AOPEP: variants seen among roughly 807,000 people sequenced by gnomAD.
The protein encoded by AOPEP is aminopeptidase O.
Under a neutral mutation model 98.1 loss-of-function variants are expected in AOPEP, and 77 were observed. The observed-to-expected ratio is 0.78, with a 90% CI of 0.65 to 0.95. The LOEUF (loss-of-function observed/expected upper bound fraction) is 0.95. Among genes scored for constraint, AOPEP ranks in the 40% least tolerant of loss-of-function variants. The pLI is 0.00. For missense variants in AOPEP, 1,024 were observed against 1,024.7 expected (o/e 1.00, Z 0.01); for synonymous variants, 346 against 365.3 (o/e 0.95, Z 0.60).
chr9:95,090,049 G>A (rs142897065), downstream of AOPEP, among the ~76,000 whole-genome samples: 239 of 152,308 alleles, frequency 1.6e-3, no homozygotes, highest in African/African-American at 5.4e-3. Flanking sequence ...ATGGGATGGG[G>A]GAGCCCCATG....
chr9:95,125,304 T>C, the AOPEP span: 3 of 761,396 alleles, frequency 3.9e-6, no homozygotes, highest in South Asian at 1.5e-5. Context: ...TTCAGCAGTA[T>C]CTCAACTCAT....
At chr9:95,037,028 GT>G (rs1485811754) in intron 13 of AOPEP, among the ~76,000 whole-genome samples, 2 of 152,186 alleles carry the variant, frequency 1.3e-5, no homozygotes, top group Non-Finnish European at 2.9e-5. Flanking sequence ...CAGAACCTAA[GT>G]TGCTAGTTAG....
chr9:94,818,844 A>C (rs1189544243), intron 5 of AOPEP, among the ~76,000 whole-genome samples: 4 of 152,148 alleles, frequency 2.6e-5, no homozygotes, highest in Admixed American at 2.6e-4. Context: ...AATACAAAAA[A>C]TTAGCCGGGC....
the AOPEP span, among the ~76,000 whole-genome samples, chr9:95,123,160 G>A: frequency 6.6e-6 from 1 of 151,994 alleles, no homozygotes; most frequent in African/African-American, 2.4e-5. Context: ...AAAATTAGCT[G>A]GGCGTGGTGG....
the AOPEP span, among the ~76,000 whole-genome samples, chr9:95,120,416 C>CT: frequency 0.015 from 2,065 of 138,596 alleles, 31 homozygotes; most frequent in African/African-American, 0.044. Flanking sequence ...CTTTTAAAAT[C>CT]TTTTTTTTTT....
intron 1 of AOPEP, among the ~76,000 whole-genome samples, chr9:94,733,272 A>T (rs1830989544): frequency 6.6e-6 from 1 of 151,690 alleles, no homozygotes. Flanking sequence ...ATGCTCAGCT[A>T]ATTTTTTGTA....
intron 5 of AOPEP, among the ~76,000 whole-genome samples, chr9:94,875,938 A>C (rs1352373066): frequency 6.6e-6 from 1 of 152,224 alleles, no homozygotes; most frequent in Non-Finnish European, 1.5e-5. Context: ...GCTGCATACA[A>C]AACATTTAAG....
chr9:95,091,076 G>A (rs1007347956), downstream of AOPEP, among the ~76,000 whole-genome samples: 1 of 152,232 alleles, frequency 6.6e-6, no homozygotes, highest in African/African-American at 2.4e-5. Context: ...CTGTGCCGCA[G>A]TGACCTCACC....
At chr9:94,726,879 A>G (rs557597895) in intron 1 of AOPEP, 128 bp downstream of exon 1, 1 of 152,614 alleles carries the variant, frequency 6.6e-6, no homozygotes, top group Non-Finnish European at 1.5e-5. Context: ...TTGCTCGACC[A>G]GCGAGGACCC....
chr9:94,901,768 C>T (rs919676113), intron 5 of AOPEP, among the ~76,000 whole-genome samples: 1 of 151,950 alleles, frequency 6.6e-6, no homozygotes, highest in Non-Finnish European at 1.5e-5. Flanking sequence ...AGCAAAACCC[C>T]GTCCTTACTA....
chr9:94,794,799 G>T (rs546750270), intron 4 of AOPEP, among the ~76,000 whole-genome samples: 33,301 of 152,096 alleles, frequency 0.22, 5,138 homozygotes, highest in African/African-American at 0.43. Flanking sequence ...ACAAAACAGA[G>T]CCTACAAAAC....
chr9:95,086,089 T>C (rs1419562192), intron 16 of AOPEP: 1 of 1,367,130 alleles, frequency 7.3e-7, no homozygotes, highest in Non-Finnish European at 9.8e-7. Context: ...GGAACAGGAG[T>C]CGAGCCCTTG....
At chr9:95,100,980 G>GAACT in the AOPEP span, 4 of 233,192 alleles carry the variant, frequency 1.7e-5, no homozygotes, top group African/African-American at 8.8e-5. Flanking sequence ...TTTAACAAGA[G>GAACT]AACTAACTAA....
At chr9:95,005,668 G>A in intron 13 of AOPEP, 52 bp downstream of exon 13, 3 of 1,418,282 alleles carry the variant, frequency 2.1e-6, no homozygotes, top group Non-Finnish European at 3.0e-6. Context: ...ATCCGCTTCT[G>A]CCCCGTGAGG....
At chr9:94,760,787 A>G (rs1340029494) in intron 2 of AOPEP, 2 of 420,072 alleles carry the variant, frequency 4.8e-6, no homozygotes, top group Non-Finnish European at 8.4e-6. Context: ...TTAAGTCAGG[A>G]TGAAAAGATT....
Position 94,928,207 on chromosome 9 carries a change from G to A in AOPEP, c.1555-218G>A, listed in dbSNP as rs539971330. On this transcript the variant is annotated intron_variant, in intron 6 of 16. Transcript: ENST00000375315. Reference sequence around the variant, plus strand: ...CAAGGCGACCTCCGCCAAACAGCAGGCCCAGCTCCACGGCCAGCAGCACAA... The same window carrying A: ...CAAGGCGACCTCCGCCAAACAGCAGACCCAGCTCCACGGCCAGCAGCACAA... Among the ~76,000 whole-genome samples the A allele has an allele frequency of 2.2e-4, 33 of 152,156 alleles. No individual in the cohort carries two copies. In the East Asian group the frequency reaches 6.2e-3, roughly 28 times the overall value.
chr9:94,839,055 C>G lies in AOPEP; in HGVS notation c.1364+38053C>G, dbSNP rs1209853074. On this transcript the variant is annotated intron_variant, in intron 5 of 16. Transcript: ENST00000375315. ...CCTCCCGAGTAGGTGGGACTACAGG[C>G]GTGCGCCACCACACCCACCTAATTT... 2.0e-5 allele frequency among the ~76,000 whole-genome samples: 3 copies of G among 148,916 alleles called. No homozygotes were observed. The Admixed American group carries it at 2.0e-4, about 10-fold the overall frequency.
In AOPEP at chr9:94,760,542, A is replaced by G. The variant is rs756695675; in HGVS notation, c.759A>G (p.Glu253=). 6.4e-7 allele frequency: 1 copy of G among 1,566,124 alleles called. No homozygotes were observed. The highest frequency in any genetic ancestry group is 8.6e-7 in the Non-Finnish European group (1 of 1,159,894). ...AIRIWYKTKP[E]GRSVTWTSDQ... is the part of the protein sequence containing the mutation. ...GGATATGGTACAAAACTAAACCTGA[A>G]GGGCGATCGGTTACATGGACCTCAG... Residue 253 remains glutamate, a synonymous_variant, in exon 2 of 17, where the codon GAA becomes GAG. Coordinates refer to ENST00000375315, the MANE Select transcript of AOPEP (RefSeq NM_001193329.3).
At chr9:95,028,728 C>T (rs992968779) in intron 13 of AOPEP, among the ~76,000 whole-genome samples, 3 of 152,114 alleles carry the variant, frequency 2.0e-5, no homozygotes, top group Admixed American at 6.5e-5. Context: ...TCCAGGCAGC[C>T]CATTGCTTCA....
Sources: allele counts gnomAD v4.1 joint callset (sites outside exome capture counted in the v4.1 genomes callset), GRCh38; gene constraint gnomAD v4.1.1; transcripts MANE v1.5; gene names NCBI Gene and HGNC (gene_info 2026-07-23, HGNC 2026-07-21).